The following WWP1 variants were observed in gnomAD, a reference collection of about 807,000 sequenced individuals.
The protein encoded by WWP1 is WW domain containing E3 ubiquitin protein ligase 1.
A neutral mutation model predicts 130.6 loss-of-function variants in WWP1; 49 were observed. That is an observed-to-expected ratio of 0.38 (90% CI 0.30 to 0.48). The LOEUF is 0.48. Ranked by LOEUF, WWP1 falls within the 20% of genes least tolerant of loss-of-function variation. The pLI is 0.99. For missense variants in WWP1, 809 were observed against 1,100.6 expected (o/e 0.74, Z 3.75); for synonymous variants, 332 against 367.8 (o/e 0.90, Z 1.11).
chr8:86,405,666 G>A (rs529045549), intron 8 of WWP1, among the ~76,000 whole-genome samples: 1 of 152,070 alleles, frequency 6.6e-6, no homozygotes, highest in South Asian at 2.1e-4. Flanking sequence ...TGAATAGTTG[G>A]GACTATAGGC....
chr8:86,405,123 A>G (rs1485817785), intron 8 of WWP1: 1 of 152,228 alleles, frequency 6.6e-6, no homozygotes, highest in East Asian at 1.9e-4. Context: ...GAATTCAGGT[A>G]TCTTTTCAAG....
At chr8:86,396,062 T>C (rs985005415) in intron 5 of WWP1, among the ~76,000 whole-genome samples, 22 of 152,246 alleles carry the variant, frequency 1.4e-4, no homozygotes, top group Non-Finnish European at 2.6e-4. Context: ...TCTTCAGATA[T>C]TGATTTTTAG....
intron 8 of WWP1, among the ~76,000 whole-genome samples, chr8:86,404,057 A>G (rs968957366): frequency 3.9e-5 from 6 of 152,186 alleles, no homozygotes; most frequent in East Asian, 1.9e-4. Context: ...AATCTGAAAA[A>G]TCTCAAATCT....
At chr8:86,420,207 C>T (rs1809122546) in intron 9 of WWP1, among the ~76,000 whole-genome samples, 1 of 152,126 alleles carries the variant, frequency 6.6e-6, no homozygotes, top group Non-Finnish European at 1.5e-5. Context: ...TGGCCTCAGA[C>T]AGCACTCACT....
chr8:86,421,218 C>G (rs891365861), intron 9 of WWP1, among the ~76,000 whole-genome samples: 9 of 151,902 alleles, frequency 5.9e-5, no homozygotes, highest in African/African-American at 2.2e-4. Flanking sequence ...CATGAGTGTT[C>G]CAGTGTAGGA....
chr8:86,358,464 A>G (rs1823378104), intron 1 of WWP1, among the ~76,000 whole-genome samples: 1 of 142,448 alleles, frequency 7.0e-6, no homozygotes, highest in Admixed American at 7.0e-5. Flanking sequence ...TTCATTTAAT[A>G]CACATTTATT....
chr8:86,387,477 A>G (rs942002483), intron 5 of WWP1, among the ~76,000 whole-genome samples: 6 of 151,880 alleles, frequency 4.0e-5, no homozygotes, highest in Admixed American at 6.6e-5. Context: ...TGACACATTC[A>G]TATATGTATA....
chr8:86,368,399 C>T (rs1202888232), intron 1 of WWP1, among the ~76,000 whole-genome samples: 3 of 152,078 alleles, frequency 2.0e-5, no homozygotes, highest in Non-Finnish European at 4.4e-5. Context: ...TTTAGTTTTT[C>T]AGATTCTTGT....
intron 1 of WWP1, among the ~76,000 whole-genome samples, chr8:86,348,509 C>T (rs930229910): frequency 1.3e-4 from 20 of 152,196 alleles, no homozygotes; most frequent in African/African-American, 2.2e-4. Flanking sequence ...TGAGCCACCA[C>T]GCCTGGCCGT....
intron 23 of WWP1, 40 bp downstream of exon 23, chr8:86,461,360 T>C: frequency 6.4e-7 from 1 of 1,552,076 alleles, no homozygotes; most frequent in Non-Finnish European, 8.9e-7. Context: ...TACGTAATTT[T>C]GTGATAATAA....
chr8:86,431,089 A>G (rs1448038073), intron 12 of WWP1, among the ~76,000 whole-genome samples: 1 of 134,526 alleles, frequency 7.4e-6, no homozygotes, highest in Non-Finnish European at 1.5e-5. Flanking sequence ...GGATATATAT[A>G]TGTATTATAT....
intron 1 of WWP1, among the ~76,000 whole-genome samples, chr8:86,344,022 TC>T (rs1822413444): frequency 6.6e-6 from 1 of 152,196 alleles, no homozygotes; most frequent in Admixed American, 6.5e-5. Flanking sequence ...CCTCACCAAA[TC>T]TGTGTGTATT....
intron 3 of WWP1, among the ~76,000 whole-genome samples, chr8:86,379,224 G>A (rs1586302516): frequency 6.6e-6 from 1 of 152,150 alleles, no homozygotes; most frequent in Non-Finnish European, 1.5e-5. Flanking sequence ...TGAACTTAGA[G>A]CAGTTTGGAA....
intron 15 of WWP1, 45 bp from the exon 16 acceptor site, chr8:86,435,588 T>C: frequency 6.2e-7 from 1 of 1,611,826 alleles, no homozygotes; most frequent in Non-Finnish European, 8.5e-7. Context: ...ATACAATACA[T>C]ATACTATAAC....
At chr8:86,385,411 G>A (rs1213018107) in intron 5 of WWP1, among the ~76,000 whole-genome samples, 2 of 152,134 alleles carry the variant, frequency 1.3e-5, no homozygotes, top group Admixed American at 6.5e-5. Context: ...GAAGAGAACA[G>A]CGAAAGACAA....
rs1823181752 is a variant in WWP1, at chr8:86,355,147, T to C, written c.-115+12217T>C. ...AAATTGGCACTTTGGAATTGAAGAG[T>C]TAGGACATCTCCATGGCTGCTTAAA... On this transcript the variant is annotated intron_variant, in intron 1 of 24. Transcript: ENST00000517970. 2.0e-5 allele frequency among the ~76,000 whole-genome samples: 3 copies of C among 152,108 alleles called. No individual in the cohort carries two copies. In the South Asian group the frequency reaches 6.2e-4, roughly 32 times the overall value.
intron 24 of WWP1, among the ~76,000 whole-genome samples, chr8:86,463,989 A>G (rs1811902740): frequency 6.6e-6 from 1 of 152,066 alleles, no homozygotes; most frequent in Non-Finnish European, 1.5e-5. Flanking sequence ...GGAGCCGGGG[A>G]AGTCAAGGCT....
intron 24 of WWP1, among the ~76,000 whole-genome samples, chr8:86,464,669 C>T (rs1383044599): frequency 6.6e-6 from 1 of 152,138 alleles, no homozygotes; most frequent in African/African-American, 2.4e-5. Context: ...GTGCACGCCA[C>T]TATGCCTGGC....
Position 86,457,929 on chromosome 8 carries a change from G to A in WWP1, c.2403G>A (p.Leu801=), listed in dbSNP as rs1360967852. The A allele has an allele frequency of 6.2e-7, 1 of 1,613,020 alleles. No individual in the cohort carries two copies. Among genetic ancestry groups the A allele is most frequent in the Admixed American group, 1.7e-5 (1 of 60,000 alleles). Residue 801 remains leucine, a synonymous_variant, in exon 22 of 25, where the codon TTG becomes TTA. Transcript: ENST00000517970. ...YFDEKELEVM[L]CGMQEVDLAD... ...CTGTGCTCATTTCCCAGGTTATGTTGTGTGGCATGCAGGAGGTTGACTTGG... is the reference window on the plus strand; with the variant it reads ...CTGTGCTCATTTCCCAGGTTATGTTATGTGGCATGCAGGAGGTTGACTTGG...
Sources: allele counts gnomAD v4.1 joint callset (sites outside exome capture counted in the v4.1 genomes callset), GRCh38; gene constraint gnomAD v4.1.1; transcripts MANE v1.5; gene names NCBI Gene and HGNC (gene_info 2026-07-23, HGNC 2026-07-21).